Variants in RAVER2 observed in about 807,000 individuals in gnomAD.
The protein encoded by RAVER2 is ribonucleoprotein PTB-binding 2.
RAVER2 carries 46 observed loss-of-function variants against 78.1 expected under a neutral mutation model. The ratio of observed to expected loss-of-function variants is 0.59; its 90% confidence interval spans 0.46 to 0.75. The LOEUF (loss-of-function observed/expected upper bound fraction) is 0.75, where lower values mean the gene tolerates loss of function less well. RAVER2 is among the 30% of genes least tolerant of loss of function. The pLI, the probability that RAVER2 is intolerant of heterozygous loss-of-function variation, is 0.00. For synonymous variants in RAVER2, 311 were observed against 313.3 expected, an observed-to-expected ratio of 0.99 and a Z score of 0.08; for missense variants, 793 against 837.5, an observed-to-expected ratio of 0.95 and a Z score of 0.66.
intron 10 of RAVER2, among the ~76,000 whole-genome samples, chr1:64,813,485 G>A (rs1386099611): frequency 2.6e-5 from 4 of 152,064 alleles, no homozygotes; most frequent in Admixed American, 6.6e-5. Context: ...TTCCATTTAT[G>A]TTTATTTAAA....
At chr1:64,770,217 T>C (rs1652278032) in intron 2 of RAVER2, among the ~76,000 whole-genome samples, 1 of 152,048 alleles carries the variant, frequency 6.6e-6, no homozygotes, top group Non-Finnish European at 1.5e-5. Context: ...ACAATTTCAA[T>C]GTTACAGATA....
chr1:64,768,808 C>A, intron 2 of RAVER2, 86 bp downstream of exon 2: 1 of 818,390 alleles, frequency 1.2e-6, no homozygotes, highest in Non-Finnish European at 2.0e-6. Flanking sequence ...TCTTTTCATG[C>A]TTAAGCTAAT....
intron 6 of RAVER2, among the ~76,000 whole-genome samples, chr1:64,803,292 A>G (rs1653321492): frequency 6.6e-6 from 1 of 152,308 alleles, no homozygotes; most frequent in Non-Finnish European, 1.5e-5. Context: ...TCCAATTTGT[A>G]TGGCATTAAG....
chr1:64,830,915 T>C (rs772745257), exon 12 of RAVER2: 2 of 1,613,878 alleles, frequency 1.2e-6, no homozygotes, highest in East Asian at 2.2e-5. Flanking sequence ...GTGGAATGTG[T>C]TGACCAGCAT....
intron 1 of RAVER2, among the ~76,000 whole-genome samples, chr1:64,764,333 T>C (rs904159228): frequency 6.6e-6 from 1 of 150,800 alleles, no homozygotes; most frequent in Non-Finnish European, 1.5e-5. Flanking sequence ...TAATAGTTGA[T>C]TACCCATATA....
intron 1 of RAVER2, among the ~76,000 whole-genome samples, chr1:64,749,473 A>G (rs934846580): frequency 6.6e-6 from 1 of 152,178 alleles, no homozygotes; most frequent in Non-Finnish European, 1.5e-5. Context: ...GGCCTCCCAA[A>G]GTGCTGGGAT....
exon 12 of RAVER2, chr1:64,830,866 G>C (rs369021768): frequency 6.2e-7 from 1 of 1,609,674 alleles, no homozygotes; most frequent in Non-Finnish European, 8.5e-7. Context: ...TGAAAAGCGA[G>C]GCTCATCATA....
chr1:64,746,930 G>C (rs1179552147), intron 1 of RAVER2, among the ~76,000 whole-genome samples: 1 of 152,214 alleles, frequency 6.6e-6, no homozygotes, highest in African/African-American at 2.4e-5. Flanking sequence ...TCTAGGAGGA[G>C]AGAAATAGAG....
intron 2 of RAVER2, among the ~76,000 whole-genome samples, chr1:64,771,487 A>C (rs1410292455): frequency 2.0e-5 from 3 of 152,034 alleles, no homozygotes; most frequent in African/African-American, 7.2e-5. Context: ...AAAATGATGA[A>C]TACGTGATAT....
At chr1:64,765,564 T>C (rs1557585817) in intron 1 of RAVER2, among the ~76,000 whole-genome samples, 2 of 152,024 alleles carry the variant, frequency 1.3e-5, no homozygotes, top group Non-Finnish European at 2.9e-5. Context: ...TACAAAACAA[T>C]ATAATGTTTG....
chr1:64,798,944 A>G (rs1379318852), intron 5 of RAVER2, among the ~76,000 whole-genome samples: 3 of 152,182 alleles, frequency 2.0e-5, no homozygotes, highest in Non-Finnish European at 4.4e-5. Context: ...GGAGCATTTA[A>G]AGTCCTCTCT....
chr1:64,770,416 T>C (rs1008802293), intron 2 of RAVER2, among the ~76,000 whole-genome samples: 3 of 151,938 alleles, frequency 2.0e-5, no homozygotes, highest in Non-Finnish European at 4.4e-5. Flanking sequence ...CTAACAAAAC[T>C]TAAAAACAAG....
intron 2 of RAVER2, among the ~76,000 whole-genome samples, chr1:64,774,191 A>G (rs1481729929): frequency 1.3e-5 from 2 of 151,980 alleles, no homozygotes; most frequent in Non-Finnish European, 2.9e-5. Context: ...ATTAGACCCC[A>G]TTTGTCAATT....
At position 64,807,281 on chromosome 1, in the gene RAVER2, T is replaced by C. The variant is rs748820869; in HGVS notation, c.1487T>C (p.Ile496Thr). The change falls in exon 9 of 12, where the codon ATT (isoleucine) becomes ACT (threonine). Residue 496 changes from isoleucine (I) to threonine (T), a missense_variant. Coordinates refer to ENST00000294428, the Ensembl canonical transcript of RAVER2. ...TTACCATTCTTTCCAAATCAGCACA[T>C]TGCTGGACAGGCTGGGCCAGGGCAC... 3.2e-5 allele frequency: 51 copies of C among 1,614,048 alleles called. No homozygotes were observed. The highest frequency in any genetic ancestry group is 4.2e-6 in the Non-Finnish European group (5 of 1,180,040).
At chr1:64,759,030 G>A (rs551450139) in intron 1 of RAVER2, among the ~76,000 whole-genome samples, 7 of 151,666 alleles carry the variant, frequency 4.6e-5, no homozygotes, top group Non-Finnish European at 7.4e-5. Flanking sequence ...TTCTTGGGAT[G>A]TCTGCAAGCA....
exon 11 of RAVER2, chr1:64,814,762 A>T (rs374251897): frequency 2.0e-5 from 31 of 1,587,396 alleles, no homozygotes; most frequent in Non-Finnish European, 2.2e-5. Flanking sequence ...TTCTGGATGC[A>T]ATCTCTCAGG....
chr1:64,786,880 A>C (rs748958534), intron 4 of RAVER2, among the ~76,000 whole-genome samples: 3 of 152,240 alleles, frequency 2.0e-5, no homozygotes, highest in Non-Finnish European at 2.9e-5. Flanking sequence ...AAATGTTAAT[A>C]ATAATGCTTC....
At chr1:64,770,764 A>G (rs1278465682) in intron 2 of RAVER2, among the ~76,000 whole-genome samples, 1 of 152,054 alleles carries the variant, frequency 6.6e-6, no homozygotes, top group Admixed American at 6.6e-5. Context: ...TCCAAATCAA[A>G]CATCTGGAGA....
At chr1:64,800,115 TG>T (rs1443056979) in intron 5 of RAVER2, among the ~76,000 whole-genome samples, 2 of 148,638 alleles carry the variant, frequency 1.3e-5, no homozygotes, top group South Asian at 2.2e-4. Flanking sequence ...TTATTTGGGG[TG>T]TTTTTTTGTT....
Sources: gnomAD v4.1 joint callset for allele counts (sites outside exome capture counted in the v4.1 genomes callset) on GRCh38, gnomAD v4.1.1 for gene constraint, MANE v1.5 for transcripts, NCBI Gene and HGNC (gene_info 2026-07-23, HGNC 2026-07-21) for gene names.